Variants in BICC1 observed in about 807,000 individuals in gnomAD.
BICC1 encodes BicC family RNA binding protein 1.
A neutral mutation model predicts 111.0 loss-of-function variants in BICC1; 43 were observed. The ratio of observed to expected loss-of-function variants is 0.39; its 90% CI spans 0.30 to 0.50. The LOEUF (loss-of-function observed/expected upper bound fraction) is 0.50, where lower values mean the gene tolerates loss of function less well. Among genes scored for constraint, BICC1 ranks in the 20% least tolerant of loss-of-function variants. BICC1 has a pLI of 0.88. For missense variants in BICC1, 1,091 were observed against 1,203.2 expected, an observed-to-expected ratio of 0.91 and a Z score of 1.38; for synonymous variants, 467 against 434.4, an observed-to-expected ratio of 1.07 and a Z score of -0.93.
chr10:58,575,528 T>G (rs1844084561), intron 1 of BICC1, among the ~76,000 whole-genome samples: 1 of 152,096 alleles, frequency 6.6e-6, no homozygotes, highest in African/African-American at 2.4e-5. Flanking sequence ...ATTTAGTGTT[T>G]AAAGGTTACA....
In BICC1 at chr10:58,755,362, G is replaced by T. The variant is rs73304872; in HGVS notation, c.308-29639G>T. On this transcript the variant is annotated intron_variant, in intron 3 of 20. Transcript: ENST00000373886. ...CTTCCATGGTCCCAAAGTCAGTGGC[G>T]CTGTCAGATTATAAACTGAGAAGAG... is the stretch of plus-strand genomic sequence containing the variant. 2.8e-3 allele frequency among the ~76,000 whole-genome samples: 428 copies of T among 152,268 alleles called. 1 individual carries two copies. The highest frequency in any genetic ancestry group is 9.8e-3 in the African/African-American group (406 of 41,550).
At chr10:58,735,064 A>G (rs1475443690) in intron 3 of BICC1, among the ~76,000 whole-genome samples, 3 of 152,210 alleles carry the variant, frequency 2.0e-5, no homozygotes, top group African/African-American at 4.8e-5. Context: ...TAGTACAAGG[A>G]TATAGTACAT....
chr10:58,728,642 C>T (rs1841187482), intron 3 of BICC1, among the ~76,000 whole-genome samples: 1 of 152,062 alleles, frequency 6.6e-6, no homozygotes, highest in Non-Finnish European at 1.5e-5. Flanking sequence ...TTTCAATTTA[C>T]TTTGCCGCAA....
rs1400607458 is a variant in BICC1, at chr10:58,830,574, AC to A, written c.*1684del. ...GCTGAGTCTGACCATTACAGTAAGAACAAGAATTGAAGAGGCATTTTGCACA... is the reference window on the plus strand; with the variant it reads ...GCTGAGTCTGACCATTACAGTAAGAAAAGAATTGAAGAGGCATTTTGCACA... On this transcript the variant is annotated 3_prime_UTR_variant, in exon 21 of 21. Coordinates refer to ENST00000373886, the MANE Select transcript of BICC1 (RefSeq NM_001080512.3). 10 of 152,302 alleles carry A rather than the reference AC, an allele frequency of 6.6e-5. No individual in the cohort carries two copies. The highest frequency in any genetic ancestry group is 2.4e-4 in the African/African-American group (10 of 41,574). The allele number at this position is 152,302 out of a possible 1,614,324, so 9.4% of individuals were successfully genotyped here.
At chr10:58,512,604 G>C (rs1275443433), upstream of BICC1, among the ~76,000 whole-genome samples, 1 of 152,006 alleles carries the variant, frequency 6.6e-6, no homozygotes, top group Non-Finnish European at 1.5e-5. Context: ...CAGGAATTAC[G>C]TGGATACTCC....
intron 1 of BICC1, among the ~76,000 whole-genome samples, chr10:58,552,810 C>T (rs1843331282): frequency 6.6e-6 from 1 of 152,126 alleles, no homozygotes; most frequent in South Asian, 2.1e-4. Context: ...CAGATCTCAA[C>T]AGTCTCTAAA....
At chr10:58,795,192 T>A (rs185927925) in intron 9 of BICC1, among the ~76,000 whole-genome samples, 4 of 152,150 alleles carry the variant, frequency 2.6e-5, no homozygotes, top group Non-Finnish European at 5.9e-5. Flanking sequence ...ATGCATAGAA[T>A]GGTGTATATA....
intron 3 of BICC1, among the ~76,000 whole-genome samples, chr10:58,714,362 T>G (rs1840670231): frequency 6.6e-6 from 1 of 152,170 alleles, no homozygotes; most frequent in Admixed American, 6.5e-5. Flanking sequence ...TGACAGAATT[T>G]TGGTAAAAGA....
intron 1 of BICC1, among the ~76,000 whole-genome samples, chr10:58,566,374 A>T (rs1325002783): frequency 6.6e-6 from 1 of 152,102 alleles, no homozygotes; most frequent in Non-Finnish European, 1.5e-5. Flanking sequence ...ACATATATGT[A>T]CACCACGATT....
chr10:58,644,155 C>T (rs760298024), intron 2 of BICC1, among the ~76,000 whole-genome samples: 1 of 152,132 alleles, frequency 6.6e-6, no homozygotes, highest in Admixed American at 6.5e-5. Flanking sequence ...ATAATTATTA[C>T]AGTAGCACCA....
intron 1 of BICC1, among the ~76,000 whole-genome samples, chr10:58,594,977 CTCAGGT>C (rs950595893): frequency 4.6e-5 from 7 of 152,118 alleles, no homozygotes; most frequent in African/African-American, 1.7e-4. Flanking sequence ...GGAGACCCAC[CTCAGGT>C]ACAAAGACAC....
chr10:58,631,922 A>G (rs183385850), intron 2 of BICC1, among the ~76,000 whole-genome samples: 44 of 152,302 alleles, frequency 2.9e-4, no homozygotes, highest in African/African-American at 1.0e-3. Flanking sequence ...TGGCATTTGT[A>G]AAACAATGAT....
At chr10:58,633,253 T>C (rs1366133778) in intron 2 of BICC1, among the ~76,000 whole-genome samples, 1 of 152,196 alleles carries the variant, frequency 6.6e-6, no homozygotes, top group Admixed American at 6.5e-5. Context: ...CATGTGCAAC[T>C]GTGAGCCAAT....
chr10:58,626,120 A>C (rs1040992304), intron 2 of BICC1, among the ~76,000 whole-genome samples: 4 of 152,220 alleles, frequency 2.6e-5, no homozygotes, highest in South Asian at 2.1e-4. Flanking sequence ...AATTTATAAA[A>C]GGGTATGCAG....
At chr10:58,733,451 C>G (rs900147108) in intron 3 of BICC1, among the ~76,000 whole-genome samples, 2 of 152,240 alleles carry the variant, frequency 1.3e-5, no homozygotes, top group African/African-American at 2.4e-5. Flanking sequence ...AGAGAACACA[C>G]TTGCTTAAAA....
chr10:58,551,819 G>A (rs1324135148), intron 1 of BICC1, among the ~76,000 whole-genome samples: 1 of 152,056 alleles, frequency 6.6e-6, no homozygotes, highest in Non-Finnish European at 1.5e-5. Context: ...AATTTGTGCT[G>A]TTTTAAGTTG....
At chr10:58,676,769 A>G (rs1839356659) in intron 2 of BICC1, among the ~76,000 whole-genome samples, 1 of 152,128 alleles carries the variant, frequency 6.6e-6, no homozygotes, top group Admixed American at 6.5e-5. Flanking sequence ...ACCTCCCTAC[A>G]GGGGTCGACA....
Position 58,799,136 on chromosome 10 carries a change from A to G in BICC1, c.1609A>G (p.Thr537Ala). Residue 537 changes from threonine (T) to alanine (A), a missense_variant, in exon 12 of 21, where the codon ACC becomes GCC. Thr to Ala is a moderately conservative substitution (Grantham distance 58). Coordinates refer to ENST00000373886, the MANE Select transcript of BICC1 (RefSeq NM_001080512.3). ...LTNILLSGVP[T>A]YGHTAPSPPP... is the part of the protein sequence containing the mutation. ...TAATATTTTGTTGTCTGGAGTGCCC[A>G]CCTATGGGCACACAGCTCCATCTCC... The G allele has an allele frequency of 6.2e-7, 1 of 1,613,680 alleles. No individual in the cohort carries two copies. Among genetic ancestry groups the G allele is most frequent in the Non-Finnish European group, 8.5e-7 (1 of 1,179,778 alleles).
intron 2 of BICC1, among the ~76,000 whole-genome samples, chr10:58,634,293 A>AG (rs1375056333): frequency 6.6e-6 from 1 of 152,200 alleles, no homozygotes; most frequent in East Asian, 1.9e-4. Context: ...CGCCTGGCCT[A>AG]GGGGCAGATT....
Sources: gnomAD v4.1 joint callset for allele counts (sites outside exome capture counted in the v4.1 genomes callset) on GRCh38, gnomAD v4.1.1 for gene constraint, MANE v1.5 for transcripts, NCBI Gene and HGNC (gene_info 2026-07-23, HGNC 2026-07-21) for gene names.